The following MAP7D2 variants were observed in gnomAD, a reference collection of about 807,000 sequenced individuals.
MAP7D2 encodes MAP7 domain-containing protein 2.
Under a neutral mutation model 63.5 loss-of-function variants are expected in MAP7D2, and 33 were observed. The observed-to-expected ratio is 0.52, with a 90% CI of 0.39 to 0.70. The LOEUF is 0.70. Ranked by LOEUF, MAP7D2 falls within the 30% of genes least tolerant of loss-of-function variation. The pLI is 0.00. For missense variants in MAP7D2, 626 were observed against 604.0 expected, an observed-to-expected ratio of 1.04 and a Z score of -0.38; for synonymous variants, 224 against 223.7, an observed-to-expected ratio of 1.00 and a Z score of -0.01.
intron 1 of MAP7D2, among the ~76,000 whole-genome samples, chrX:20,110,981 C>T (rs1404354527): frequency 8.9e-6 from 1 of 111,773 alleles, no homozygotes; most frequent in Non-Finnish European, 1.9e-5. Context: ...GCAAAAATGA[C>T]ATTCTGGGAC....
chrX:20,094,607 T>G (rs1353275477), intron 1 of MAP7D2, among the ~76,000 whole-genome samples: 1 of 77,266 alleles, frequency 1.3e-5, no homozygotes, highest in Non-Finnish European at 2.5e-5. Flanking sequence ...TTGACAGTCT[T>G]GCTCTGTCGC....
At chrX:20,086,011 T>A (rs1474844942) in intron 1 of MAP7D2, among the ~76,000 whole-genome samples, 1 of 112,423 alleles carries the variant, frequency 8.9e-6, no homozygotes, top group Non-Finnish European at 1.9e-5. Context: ...CGTGCAGGCC[T>A]GCGCAGTTTT....
intron 1 of MAP7D2, among the ~76,000 whole-genome samples, chrX:20,070,111 G>A (rs1172166053): frequency 9.0e-6 from 1 of 110,762 alleles, no homozygotes; most frequent in East Asian, 2.8e-4. Context: ...ACCACGCCTG[G>A]TTAACTTTTG....
At chrX:20,034,121 A>G (rs951680745) in intron 8 of MAP7D2, among the ~76,000 whole-genome samples, 24 of 97,274 alleles carry the variant, frequency 2.5e-4, no homozygotes, top group African/African-American at 9.3e-4. Flanking sequence ...GCTATTTGGG[A>G]GGCTGAGGCA....
intron 8 of MAP7D2, among the ~76,000 whole-genome samples, chrX:20,039,990 T>A: frequency 1.5e-5 from 1 of 68,223 alleles, no homozygotes; most frequent in East Asian, 5.1e-4. Flanking sequence ...AGAGCAAGAC[T>A]CCATCTCAAA....
rs777528929 is a variant in MAP7D2, at chrX:20,025,899, G to A, written c.1061C>T (p.Pro354Leu). ...QSPKTTKPPY[P>L]GSPVKYRLPA... Reference sequence around the variant, plus strand: ...TAAGCGGTACTTCACAGGAGACCCTGGGTAGGGAGGTTTCGTTGTCTTTGG... The same window carrying A: ...TAAGCGGTACTTCACAGGAGACCCTAGGTAGGGAGGTTTCGTTGTCTTTGG... Residue 354 changes from proline to leucine, a missense_variant, in exon 9 of 17, where the codon CCA becomes CTA. Transcript: ENST00000379643. 4.6e-5 allele frequency: 56 copies of A among 1,209,513 alleles called. No homozygotes were observed. The highest frequency in any genetic ancestry group is 6.0e-5 in the Non-Finnish European group (54 of 894,977).
At chrX:20,081,510 A>G (rs1030372242) in intron 1 of MAP7D2, among the ~76,000 whole-genome samples, 10 of 111,252 alleles carry the variant, frequency 9.0e-5, no homozygotes, top group African/African-American at 3.3e-4. Context: ...GTTTCTGCAC[A>G]ATTACATGTA....
At chrX:20,099,673 C>G (rs2066375893) in intron 1 of MAP7D2, among the ~76,000 whole-genome samples, 1 of 112,035 alleles carries the variant, frequency 8.9e-6, no homozygotes, top group Non-Finnish European at 1.9e-5. Context: ...GCATTACTTA[C>G]CTTGGAGTCT....
chrX:20,116,611 C>T (rs931396293), intron 1 of MAP7D2, 139 bp downstream of exon 1: 16 of 996,265 alleles, frequency 1.6e-5, no homozygotes, highest in Non-Finnish European at 1.9e-5. Context: ...CGATCCTGGG[C>T]CAGGGAAAGG....
chrX:20,027,951 C>T (rs1208921038), intron 8 of MAP7D2, among the ~76,000 whole-genome samples: 1 of 109,894 alleles, frequency 9.1e-6, no homozygotes, highest in African/African-American at 3.3e-5. Flanking sequence ...AGTGCCTCTA[C>T]GATTCAGCAC....
chrX:20,043,993 T>C (rs909666798), intron 7 of MAP7D2, among the ~76,000 whole-genome samples: 2 of 111,629 alleles, frequency 1.8e-5, no homozygotes, highest in African/African-American at 6.5e-5. Context: ...ATTACTTTTG[T>C]AGGTAAAAGT....
chrX:20,060,427 AG>A (rs1251328897), intron 3 of MAP7D2, among the ~76,000 whole-genome samples: 2 of 71,229 alleles, frequency 2.8e-5, no homozygotes, highest in African/African-American at 1.1e-4. Flanking sequence ...AGAGAGAGAG[AG>A]AGAGAGAAAG....
intron 1 of MAP7D2, among the ~76,000 whole-genome samples, chrX:20,093,474 T>C (rs1408090789): frequency 6.3e-5 from 7 of 111,010 alleles, no homozygotes; most frequent in Non-Finnish European, 1.3e-4. Context: ...CTGGTCAACA[T>C]GGTGAAACCC....
intron 10 of MAP7D2, among the ~76,000 whole-genome samples, chrX:20,017,743 T>C (rs1424356640): frequency 9.0e-6 from 1 of 111,400 alleles, no homozygotes; most frequent in Non-Finnish European, 1.9e-5. Context: ...CTCAATGAAA[T>C]ACTATGTCCA....
At chrX:20,091,068 T>G (rs1351943501) in intron 1 of MAP7D2, among the ~76,000 whole-genome samples, 4 of 107,313 alleles carry the variant, frequency 3.7e-5, no homozygotes, top group African/African-American at 6.8e-5. Context: ...TTTTTTTTTT[T>G]GGAAATGGAG....
intron 1 of MAP7D2, among the ~76,000 whole-genome samples, chrX:20,090,517 T>C (rs2066042450): frequency 9.0e-6 from 1 of 110,875 alleles, no homozygotes; most frequent in Non-Finnish European, 1.9e-5. Context: ...GCAAAAAAAA[T>C]TTAAATCCCA....
At position 20,092,118 on chromosome X, in the gene MAP7D2, T is replaced by C. The variant is rs191326444; in HGVS notation, c.130+24632A>G. ...TGCTACCAAGTCTCTGCTTCCCCAG[T>C]GTTAACCTGCTAAACTCCTGCACAT... On this transcript the variant is annotated intron_variant, in intron 1 of 16. Transcript: ENST00000379643. Among the ~76,000 whole-genome samples, 194 of 111,783 alleles carry C rather than the reference T, an allele frequency of 1.7e-3. 2 individuals carry two copies. The highest frequency in any genetic ancestry group is 6.0e-3 in the African/African-American group (184 of 30,807).
chrX:20,011,080 G>A (rs1002481906), intron 15 of MAP7D2, 28 bp from the exon 16 acceptor site: 1 of 1,188,663 alleles, frequency 8.4e-7, no homozygotes. Flanking sequence ...GAGGGAGAGA[G>A]GCAGAAAGAG....
At chrX:20,108,270 T>G (rs1017994326) in intron 1 of MAP7D2, among the ~76,000 whole-genome samples, 2 of 109,152 alleles carry the variant, frequency 1.8e-5, no homozygotes, top group Admixed American at 2.0e-4. Flanking sequence ...AGTCTCACTC[T>G]GTCACCTAGG....
Sources: allele counts gnomAD v4.1 joint callset (sites outside exome capture counted in the v4.1 genomes callset), GRCh38; gene constraint gnomAD v4.1.1; transcripts MANE v1.5; gene names NCBI Gene and HGNC (gene_info 2026-07-23, HGNC 2026-07-21).